Variants in NSD1 observed in about 807,000 individuals in gnomAD.
NSD1 encodes histone-lysine N-methyltransferase, H3 lysine-36 specific.
In NSD1, 26 loss-of-function variants were observed where a neutral mutation model predicts 242.7. That is an observed-to-expected ratio of 0.11 (90% CI 0.08 to 0.15). The LOEUF is 0.15. Among genes scored for constraint, NSD1 ranks in the 10% least tolerant of loss-of-function variants. The pLI, the probability that NSD1 is intolerant of heterozygous loss-of-function variation, is 1.00. For missense variants in NSD1, 2,495 were observed against 3,272.8 expected, an observed-to-expected ratio of 0.76 and a Z score of 5.80; for synonymous variants, 1,106 against 1,178.1, an observed-to-expected ratio of 0.94 and a Z score of 1.25.
At chr5:177,164,089 T>C (rs1201852704) in intron 2 of NSD1, among the ~76,000 whole-genome samples, 1 of 151,612 alleles carries the variant, frequency 6.6e-6, no homozygotes, top group Non-Finnish European at 1.5e-5. Context: ...AAAACATCAA[T>C]AGAAAGGCAA....
At chr5:177,229,736 C>T (rs1435821589) in intron 5 of NSD1, 4 of 410,322 alleles carry the variant, frequency 9.7e-6, no homozygotes, top group Non-Finnish European at 1.9e-5. Flanking sequence ...CAGGAAGCAT[C>T]TTTTTATGTA....
At chr5:177,292,419 A>G (rs1405066764) in intron 22 of NSD1, among the ~76,000 whole-genome samples, 2 of 152,216 alleles carry the variant, frequency 1.3e-5, no homozygotes, top group Non-Finnish European at 2.9e-5. Flanking sequence ...CCAGCAGCCC[A>G]TAATGGTTGG....
intron 2 of NSD1, among the ~76,000 whole-genome samples, chr5:177,149,003 G>A (rs972638540): frequency 2.0e-5 from 3 of 150,896 alleles, no homozygotes; most frequent in Non-Finnish European, 4.4e-5. Context: ...ATTTTTAGTA[G>A]AGATAGGGTT....
At chr5:177,209,550 A>G in intron 4 of NSD1, 86 bp from the exon 5 acceptor site, 1 of 815,978 alleles carries the variant, frequency 1.2e-6, no homozygotes, top group Non-Finnish European at 1.8e-6. Context: ...AAAAAGGAAT[A>G]AAAAAAAAAG....
intron 21 of NSD1, among the ~76,000 whole-genome samples, chr5:177,289,294 C>G (rs1267548081): frequency 6.6e-6 from 1 of 151,720 alleles, no homozygotes; most frequent in Non-Finnish European, 1.5e-5. Flanking sequence ...GCACTCTAGC[C>G]TGGGCAACAC....
intron 16 of NSD1, among the ~76,000 whole-genome samples, chr5:177,270,091 A>G (rs1757828688): frequency 6.6e-6 from 1 of 152,210 alleles, no homozygotes; most frequent in Non-Finnish European, 1.5e-5. Context: ...ATTTCATAGA[A>G]GAAACACTTC....
chr5:177,245,667 GCT>G (rs1363985773), intron 9 of NSD1, among the ~76,000 whole-genome samples: 2 of 149,986 alleles, frequency 1.3e-5, no homozygotes, highest in African/African-American at 4.9e-5. Flanking sequence ...ATGGAGTCTG[GCT>G]CTGTTGCCCA....
chr5:177,270,360 A>G (rs994550112), intron 16 of NSD1, among the ~76,000 whole-genome samples: 4 of 152,244 alleles, frequency 2.6e-5, no homozygotes, highest in African/African-American at 9.6e-5. Flanking sequence ...TGGTCCAATC[A>G]ACTTCGAACC....
Position 177,269,897 on chromosome 5 carries a change from T to C in NSD1, c.5509+90T>C, listed in dbSNP as rs1757815919. ...TTTAGAATTCACATATGCTCCATTT[T>C]GAAACTGCCTTTGTCCTCTCAGGGC... On this transcript the variant is annotated intron_variant, in intron 16 of 22. Transcript: ENST00000439151. The surrounding 1 kb of genome is among the most constrained non-coding windows in gnomAD (Gnocchi z 5.1). 8.7e-6 allele frequency: 10 copies of C among 1,154,150 alleles called. No individual in the cohort carries two copies. The East Asian group carries it at 1.2e-4, about 14-fold the overall frequency. 71.5% of individuals were successfully genotyped at this position (1,154,150 alleles called of 1,614,324 possible).
Position 177,212,092 on chromosome 5 carries a change from G to A in NSD1, c.3693G>A (p.Gly1231=), listed in dbSNP as rs1289442825. 3.7e-6 allele frequency: 6 copies of A among 1,614,098 alleles called. No homozygotes were observed. Among genetic ancestry groups the A allele is most frequent in the East Asian group, 2.2e-5 (1 of 44,876 alleles). ...ATGCTGACTGCTTAGATTCAGCTGGGCCACGGTTAAATGTTTGTGATAAAT... is the reference window on the plus strand; with the variant it reads ...ATGCTGACTGCTTAGATTCAGCTGGACCACGGTTAAATGTTTGTGATAAAT... ...QNHADCLDSA[G]PRLNVCDKSS... The change falls in exon 5 of 23, where the codon GGG becomes GGA. Residue 1231 remains glycine (G), a synonymous_variant. Transcript: ENST00000439151.
intron 13 of NSD1, among the ~76,000 whole-genome samples, chr5:177,259,152 TC>T (rs1756783032): frequency 6.6e-6 from 1 of 152,220 alleles, no homozygotes; most frequent in Non-Finnish European, 1.5e-5. Context: ...ATACTGTATC[TC>T]TGCTGGTGAA....
At chr5:177,185,161 T>A (rs1335229247) in intron 2 of NSD1, among the ~76,000 whole-genome samples, 1 of 152,116 alleles carries the variant, frequency 6.6e-6, no homozygotes, top group African/African-American at 2.4e-5. Context: ...CTATAGATTC[T>A]CAGCAAGTTT....
At position 177,139,795 on chromosome 5, in the gene NSD1, CAGTT is replaced by C. The variant is rs573032389; in HGVS notation, c.927+3766_927+3769del. Among the ~76,000 whole-genome samples the C allele has an allele frequency of 1.1e-4, 16 of 151,952 alleles. No homozygotes were observed. The South Asian group carries it at 2.1e-3, about 20-fold the overall frequency. On this transcript the variant is annotated intron_variant, in intron 2 of 22. Coordinates refer to ENST00000439151, the MANE Select transcript of NSD1 (RefSeq NM_022455.5). ...CATAGTGAGATCCTGTCTCTACACT[CAGTT>C]GGTTGTGGTGGTATGCCTGTAGTCC... is the stretch of plus-strand genomic sequence containing the variant.
rs1375702731 is a variant in NSD1, at chr5:177,209,863, T to C, written c.1464T>C (p.Asp488=). 6 of 1,614,118 alleles carry C rather than the reference T, an allele frequency of 3.7e-6. No homozygotes were observed. Among genetic ancestry groups the C allele is most frequent in the Non-Finnish European group, 5.1e-6 (6 of 1,180,026 alleles). Residue 488 remains aspartate, a synonymous_variant, in exon 5 of 23, where the codon GAT becomes GAC. Transcript: ENST00000439151. ...SLAFDSEHSA[D]EKEKPCAKSR... ...CTTTTGATTCTGAACATTCTGCAGATGAGAAGGAAAAGCCTTGCGCTAAAT... is the reference window on the plus strand; with the variant it reads ...CTTTTGATTCTGAACATTCTGCAGACGAGAAGGAAAAGCCTTGCGCTAAAT...
At position 177,282,532 on chromosome 5, in the gene NSD1, A is replaced by G. The variant is rs900619405; in HGVS notation, c.5960A>G (p.Tyr1987Cys). Residue 1987 changes from tyrosine (Y) to cysteine (C), a missense_variant, in exon 19 of 23, where the codon TAT (tyrosine) becomes TGT (cysteine). By Grantham distance (194) the Tyr-to-Cys change is radical. This residue lies in a region of NSD1 where 114 missense variants were observed against 247.4 expected (regional missense o/e 0.46). Coordinates refer to ENST00000439151, the MANE Select transcript of NSD1 (RefSeq NM_022455.5). ...GAAGAATGCAGAGCTCGAATTCGCT[A>G]TGCTCAAGAACATGATATCACTAAT... ...DEEECRARIR[Y>C]AQEHDITNFY... 2.5e-6 allele frequency: 4 copies of G among 1,613,908 alleles called. No individual in the cohort carries two copies. The highest frequency in any genetic ancestry group is 1.1e-5 in the South Asian group (1 of 91,082).
At chr5:177,251,146 C>T (rs762468585) in intron 11 of NSD1, among the ~76,000 whole-genome samples, 13 of 151,358 alleles carry the variant, frequency 8.6e-5, no homozygotes, top group African/African-American at 2.2e-4. Context: ...GCCAAGATTG[C>T]GCCATTGTAC....
rs1029167972 is a variant in NSD1 at position 177,297,257 on chromosome 5, T to A, written c.*1798T>A. 1.7e-5 allele frequency: 4 copies of A among 231,922 alleles called. No individual in the cohort carries two copies. Among genetic ancestry groups the A allele is most frequent in the South Asian group, 1.8e-4 (1 of 5,520 alleles). 14.4% of individuals were successfully genotyped at this position (231,922 alleles called of 1,614,324 possible). A position where few individuals can be genotyped will look rare whatever the true frequency, so the allele number is the denominator to read the frequency against. ...TCTGTGAATTCCACCTGCCTAGTTC[T>A]CCCCTTTCATCCTCTCTCTCTTCCC... On this transcript the variant is annotated 3_prime_UTR_variant, in exon 23 of 23. Transcript: ENST00000439151.
chr5:177,263,263 A>G (rs763075317), intron 14 of NSD1, among the ~76,000 whole-genome samples: 2 of 152,246 alleles, frequency 1.3e-5, no homozygotes, highest in Non-Finnish European at 2.9e-5. Context: ...TTGTATTATC[A>G]GGTGTATGTA....
chr5:177,284,042 G>A (rs1168607508), intron 20 of NSD1, 114 bp downstream of exon 20: 4 of 1,294,718 alleles, frequency 3.1e-6, no homozygotes, highest in Non-Finnish European at 4.4e-6. Context: ...CCGTTCTCTG[G>A]AATTAAGTTC....
Sources: gnomAD v4.1 joint callset for allele counts (sites outside exome capture counted in the v4.1 genomes callset) on GRCh38, gnomAD v4.1.1 for gene constraint, gnomAD v4.1.1 regional missense constraint, Gnocchi (gnomAD v3.1) non-coding constraint, MANE v1.5 for transcripts, NCBI Gene and HGNC (gene_info 2026-07-23, HGNC 2026-07-21) for gene names.